Variants in ANKRD30A observed in about 807,000 individuals in gnomAD.
ANKRD30A encodes the protein ankyrin repeat domain-containing protein 30A.
In ANKRD30A, 170 loss-of-function variants were observed where a neutral mutation model predicts 166.3. That is an observed-to-expected ratio of 1.02 (90% CI 0.90 to 1.16). ANKRD30A has a LOEUF of 1.16. ANKRD30A is among the 50% of genes most tolerant of loss of function. The pLI is 0.00. For missense variants in ANKRD30A, 1,630 were observed against 1,518.0 expected (o/e 1.07, Z -1.23); for synonymous variants, 564 against 508.9 (o/e 1.11, Z -1.46).
chr10:37,231,388 T>A (rs75332609), intron 34 of ANKRD30A, 73 bp from the exon 35 acceptor site: 1 of 1,323,624 alleles, frequency 7.6e-7, no homozygotes, highest in Non-Finnish European at 1.0e-6. Context: ...GTTTTCTTTT[T>A]AAATACAAGT....
In ANKRD30A at chr10:37,231,503, C is replaced by A. The variant is rs768855310; in HGVS notation, c.*34C>A. 21 of 1,572,390 alleles carry A rather than the reference C, an allele frequency of 1.3e-5. No individual in the cohort carries two copies. In the South Asian group the frequency reaches 2.2e-4, roughly 17 times the overall value. On this transcript the variant is annotated 3_prime_UTR_variant, in exon 35 of 36. Coordinates refer to ENST00000361713, the MANE Select transcript of ANKRD30A (RefSeq NM_052997.3). The stretch of plus-strand genomic sequence containing the variant: ...CAGTAAGAAACTTCTTTTGGAGAAA[C>A]AACAGACCAGATCTTTACTCACAAC...
chr10:37,152,880 A>G (rs1245742005), intron 12 of ANKRD30A, among the ~76,000 whole-genome samples: 1 of 152,096 alleles, frequency 6.6e-6, no homozygotes, highest in Non-Finnish European at 1.5e-5. Context: ...GTGGAAGTCA[A>G]TAGGTAGATT....
chr10:37,148,495 A>G (rs1376060625), intron 9 of ANKRD30A, among the ~76,000 whole-genome samples: 4 of 152,034 alleles, frequency 2.6e-5, no homozygotes, highest in Non-Finnish European at 5.9e-5. Flanking sequence ...TTTTTAGCAG[A>G]GGCATTCTAG....
At chr10:37,208,065 A>G (rs1222857316) in intron 31 of ANKRD30A, among the ~76,000 whole-genome samples, 1 of 152,144 alleles carries the variant, frequency 6.6e-6, no homozygotes, top group Non-Finnish European at 1.5e-5. Flanking sequence ...ACTGCTTTTT[A>G]GAAGAAAAAA....
At chr10:37,255,075 G>C in the ANKRD30A span, among the ~76,000 whole-genome samples, 2 of 151,952 alleles carry the variant, frequency 1.3e-5, no homozygotes, top group African/African-American at 4.8e-5. Context: ...TGTGCTTTTG[G>C]TGCCATATCT....
chr10:37,219,664 T>C lies in ANKRD30A; in HGVS notation c.3952T>C (p.Ser1318Pro). Residue 1318 changes from serine to proline, a missense_variant, in exon 34 of 36, where the codon TCT (serine) becomes CCT (proline). Coordinates refer to ENST00000361713, the MANE Select transcript of ANKRD30A (RefSeq NM_052997.3). ...NVNKHTEQQE[S>P]LDQKLFQLQS... Reference sequence around the variant, plus strand: ...GAACAAACACACTGAACAGCAGGAGTCTCTAGATCAGAAATTATTTCAACT... The same window carrying C: ...GAACAAACACACTGAACAGCAGGAGCCTCTAGATCAGAAATTATTTCAACT... The C allele has an allele frequency of 6.2e-7, 1 of 1,608,288 alleles. No individual in the cohort carries two copies. Among genetic ancestry groups the C allele is most frequent in the Non-Finnish European group, 8.5e-7 (1 of 1,176,862 alleles).
At chr10:37,156,012 C>T (rs1838350614) in intron 13 of ANKRD30A, among the ~76,000 whole-genome samples, 1 of 150,496 alleles carries the variant, frequency 6.6e-6, no homozygotes, top group African/African-American at 2.5e-5. Flanking sequence ...ACTTGGGAGG[C>T]GGAGCTTGTA....
rs1837987622 is a variant in ANKRD30A at position 37,152,100 on chromosome 10, AG to A, written c.1687del (p.Glu563LysfsTer29). On this transcript the variant is annotated frameshift_variant, in exon 12 of 36. Coordinates refer to ENST00000361713, the MANE Select transcript of ANKRD30A (RefSeq NM_052997.3). LOFTEE classifies it high-confidence loss of function. ...PPESKQKDYE[E>X]NSWDSESLCE... ...CAGAATCCAAACAAAAGGACTATGAAGAAAATTCTTGGGATTCTGAGGTACT... is the reference window on the plus strand; with the variant it reads ...CAGAATCCAAACAAAAGGACTATGAAAAAATTCTTGGGATTCTGAGGTACT... 6.2e-7 allele frequency: 1 copy of A among 1,609,530 alleles called. No individual in the cohort carries two copies. The highest frequency in any genetic ancestry group is 1.1e-5 in the South Asian group (1 of 90,334).
chr10:37,248,434 C>T, the ANKRD30A span, among the ~76,000 whole-genome samples: 2 of 152,190 alleles, frequency 1.3e-5, no homozygotes, highest in East Asian at 1.9e-4. Context: ...GATGAGTTCA[C>T]GCCACATGGG....
At chr10:37,243,849 C>A in the ANKRD30A span, among the ~76,000 whole-genome samples, 1 of 151,218 alleles carries the variant, frequency 6.6e-6, no homozygotes, top group Non-Finnish European at 1.5e-5. Context: ...CAATTTCTGG[C>A]GAACCACCGA....
chr10:37,184,328 G>T (rs1322396364), intron 24 of ANKRD30A: 1 of 74,728 alleles, frequency 1.3e-5, no homozygotes, highest in Non-Finnish European at 2.9e-5. Context: ...TACAGAGTTA[G>T]AGGTTTTTTT....
At chr10:37,194,384 C>A (rs1468704983) in intron 27 of ANKRD30A, among the ~76,000 whole-genome samples, 1 of 151,412 alleles carries the variant, frequency 6.6e-6, no homozygotes, top group Non-Finnish European at 1.5e-5. Context: ...TGAGCTCGAC[C>A]AGGCTGGAGT....
At chr10:37,223,349 A>G (rs980418109) in intron 34 of ANKRD30A, among the ~76,000 whole-genome samples, 1 of 151,392 alleles carries the variant, frequency 6.6e-6, no homozygotes, top group Non-Finnish European at 1.5e-5. Flanking sequence ...AAGAATGCTT[A>G]CAGAGAATGA....
At position 37,227,433 on chromosome 10, in the gene ANKRD30A, A is replaced by G. The variant is rs78168794; in HGVS notation, c.4186-4028A>G. Among the ~76,000 whole-genome samples, 1,463 of 152,046 alleles carry G rather than the reference A, an allele frequency of 9.6e-3. 34 individuals are homozygous for G. Among genetic ancestry groups the G allele is most frequent in the East Asian group, 0.095 (489 of 5,136 alleles). ...ATTTTGTTATCCTTGCTGAAAATCA[A>G]TTGACCATACATGTGCAGGTCTGTT... On this transcript the variant is annotated intron_variant, in intron 34 of 35. Transcript: ENST00000361713.
At chr10:37,201,349 A>T (rs1841611086) in intron 31 of ANKRD30A, 24 bp downstream of exon 31, 2 of 1,504,406 alleles carry the variant, frequency 1.3e-6, no homozygotes, top group East Asian at 4.7e-5. Context: ...TTTATTTAAA[A>T]GGTCATTTGA....
the ANKRD30A span, among the ~76,000 whole-genome samples, chr10:37,260,326 C>A: frequency 2.0e-5 from 3 of 152,124 alleles, no homozygotes; most frequent in East Asian, 3.9e-4. Flanking sequence ...TCCCTTCCTT[C>A]CCTTTTAATA....
At chr10:37,217,381 C>T (rs866989627) in intron 32 of ANKRD30A, among the ~76,000 whole-genome samples, 21 of 150,814 alleles carry the variant, frequency 1.4e-4, no homozygotes, top group African/African-American at 4.8e-4. Context: ...ATTTTGACTG[C>T]GTGAGATTTT....
In ANKRD30A at chr10:37,216,398, T is replaced by C; in HGVS notation, c.3083+4T>C. On this transcript the variant is annotated splice_donor_region_variant and intron_variant, in intron 32 of 35. Transcript: ENST00000361713. ...AACAAGAGCTCTGCAGTGTGAGGTG[T>C]GATTTCCTAGTTTTAAATAAATATT... The C allele has an allele frequency of 6.3e-7, 1 of 1,580,304 alleles. No individual in the cohort carries two copies. The highest frequency in any genetic ancestry group is 2.2e-5 in the East Asian group (1 of 44,488).
At chr10:37,162,336 A>T (rs1432185229) in intron 15 of ANKRD30A, among the ~76,000 whole-genome samples, 1 of 152,166 alleles carries the variant, frequency 6.6e-6, no homozygotes, top group Non-Finnish European at 1.5e-5. Flanking sequence ...AATGTGTTTC[A>T]TTAAGTACGT....
Sources: allele counts gnomAD v4.1 joint callset (sites outside exome capture counted in the v4.1 genomes callset), GRCh38; gene constraint gnomAD v4.1.1; transcripts MANE v1.5; gene names NCBI Gene and HGNC (gene_info 2026-07-23, HGNC 2026-07-21).